The following LIMS2 variants were observed in gnomAD, a reference collection of about 807,000 sequenced individuals.
LIMS2 encodes the protein LIM zinc finger domain containing 2.
Under a neutral mutation model 45.3 loss-of-function variants are expected in LIMS2, and 30 were observed. That is an observed-to-expected ratio of 0.66 (90% CI 0.50 to 0.90). The LOEUF is 0.90. LIMS2 is among the 40% of genes least tolerant of loss of function. The probability of loss-of-function intolerance (pLI) is 0.00; values close to 1 mark genes in which losing one functional copy is unlikely to be tolerated. For missense variants in LIMS2, 485 were observed against 468.7 expected, an observed-to-expected ratio of 1.03 and a Z score of -0.32; for synonymous variants, 173 against 188.0, an observed-to-expected ratio of 0.92 and a Z score of 0.65.
chr2:127,678,169 A>G (rs7609105), upstream of LIMS2, among the ~76,000 whole-genome samples: 36,718 of 152,072 alleles, frequency 0.24, 5,758 homozygotes, highest in African/African-American at 0.45. This position sits in a 1 kb window ranked among gnomAD's most constrained non-coding sequence, Gnocchi z 5.3. Context: ...AGATGAGCCG[A>G]TGTGGTGGAT....
intron 1 of LIMS2, among the ~76,000 whole-genome samples, chr2:127,663,600 C>T (rs1335769611): frequency 1.3e-5 from 2 of 152,086 alleles, no homozygotes; most frequent in Non-Finnish European, 2.9e-5. Flanking sequence ...CCTACCTCTG[C>T]GACTTATGTT....
Position 127,642,394 on chromosome 2 carries a change from C to CT in LIMS2, c.510-196dup. ...AGACAGGCCCTGGAGCACAGACTTC[C>CT]TGCACAGCCCAGAAGAGTGGGCTGT... On this transcript the variant is annotated intron_variant, in intron 5 of 9. Transcript: ENST00000355119. This position sits in a 1 kb window ranked among gnomAD's most constrained non-coding sequence, Gnocchi z 5.3. 1.7e-6 allele frequency: 1 copy of CT among 583,762 alleles called. No homozygotes were observed. Among genetic ancestry groups the CT allele is most frequent in the East Asian group, 3.0e-5 (1 of 33,254 alleles). 36.2% of individuals were successfully genotyped at this position (583,762 alleles called of 1,614,324 possible).
intron 1 of LIMS2, among the ~76,000 whole-genome samples, chr2:127,658,833 C>T (rs1017949189): frequency 3.3e-5 from 5 of 152,282 alleles, no homozygotes; most frequent in Admixed American, 3.3e-4. Flanking sequence ...TGGTTGCAGC[C>T]GGGTGGTGGC....
At position 127,642,113 on chromosome 2, in the gene LIMS2, C is replaced by T. The variant is rs1682479462; in HGVS notation, c.596G>A (p.Gly199Glu). Reference protein sequence around the residue: ...CHDKMGVPICGACRRPIEGRV... With the variant: ...CHDKMGVPICEACRRPIEGRV... ...GCCCTCGATGGGCCGGCGGCAGGCC[C>T]CGCAGATGGGGACGCCCATCTTGTC... The change falls in exon 6 of 10, where the codon GGG becomes GAG. Residue 199 changes from glycine (G) to glutamate (E), a missense_variant. Gly to Glu is a moderately conservative substitution (Grantham distance 98). Transcript: ENST00000355119. The surrounding 1 kb of genome is among the most constrained non-coding windows in gnomAD (Gnocchi z 5.3). The T allele has an allele frequency of 6.8e-6, 11 of 1,608,502 alleles. No homozygotes were observed. Among genetic ancestry groups the T allele is most frequent in the Non-Finnish European group, 9.3e-6 (11 of 1,177,528 alleles).
chr2:127,676,165 C>T (rs1440957061), upstream of LIMS2, among the ~76,000 whole-genome samples: 1 of 152,176 alleles, frequency 6.6e-6, no homozygotes, highest in Non-Finnish European at 1.5e-5. Flanking sequence ...TGGAAGCAGC[C>T]CAGATGTCAC....
upstream of LIMS2, among the ~76,000 whole-genome samples, chr2:127,675,921 A>G (rs573362034): frequency 2.0e-5 from 3 of 152,372 alleles, no homozygotes; most frequent in African/African-American, 7.2e-5. Flanking sequence ...TTGGCGAAAG[A>G]TATTTCTTAA....
chr2:127,673,819 C>A, intron 1 of LIMS2: 1 of 1,369,592 alleles, frequency 7.3e-7, no homozygotes, highest in Non-Finnish European at 1.0e-6. Flanking sequence ...CCCGCTAGAA[C>A]CCTAGGGGGT....
chr2:127,654,588 T>A (rs547160677), intron 3 of LIMS2, 44 bp from the exon 4 acceptor site: 1 of 1,613,252 alleles, frequency 6.2e-7, no homozygotes, highest in South Asian at 1.1e-5. Context: ...CACGTGCCTG[T>A]CCCCTCTTCG....
At position 127,667,248 on chromosome 2, in the gene LIMS2, G is replaced by A. The variant is rs1270269321; in HGVS notation, c.11+7766C>T. Among the ~76,000 whole-genome samples, 1 of 152,114 alleles carries A rather than the reference G, an allele frequency of 6.6e-6. No individual in the cohort carries two copies. The highest frequency in any genetic ancestry group is 2.4e-5 in the African/African-American group (1 of 41,408). Reference sequence around the variant, plus strand: ...GGAGGTTGCAGTGAGCTGAGATCACGCCACTGCACTCCAGCCTGGGTGACA... The same window carrying A: ...GGAGGTTGCAGTGAGCTGAGATCACACCACTGCACTCCAGCCTGGGTGACA... On this transcript the variant is annotated intron_variant, in intron 1 of 9. Transcript: ENST00000355119. The surrounding 1 kb of genome is among the most constrained non-coding windows in gnomAD (Gnocchi z 4.1).
At chr2:127,651,615 C>G (rs759392175) in intron 4 of LIMS2, 5 of 1,613,470 alleles carry the variant, frequency 3.1e-6, no homozygotes, top group Non-Finnish European at 4.2e-6. Flanking sequence ...GGCACTCGAC[C>G]CCATCATGTA....
At chr2:127,681,690 G>A (rs1307158301) in exon 1 of LIMS2, 1 of 152,158 alleles carries the variant, frequency 6.6e-6, no homozygotes, top group East Asian at 1.9e-4. Flanking sequence ...GAGGCCGGCA[G>A]AGGGGCAGCC....
intron 2 of LIMS2, chr2:127,655,147 C>T (rs1684171353): frequency 6.8e-6 from 4 of 585,362 alleles, no homozygotes; most frequent in Admixed American, 5.6e-5. Flanking sequence ...CAAAGGGCCA[C>T]TGGTGTCTAC....
intron 1 of LIMS2, among the ~76,000 whole-genome samples, chr2:127,666,774 C>T (rs1015068672): frequency 3.9e-5 from 6 of 152,130 alleles, no homozygotes; most frequent in African/African-American, 2.4e-5. Flanking sequence ...GGAATCAAGG[C>T]ACCTTCTTCA....
At chr2:127,651,248 G>A in intron 4 of LIMS2, 1 of 1,606,100 alleles carries the variant, frequency 6.2e-7, no homozygotes, top group Non-Finnish European at 8.5e-7. Context: ...TGAGCCCACA[G>A]ACCGTGCAGA....
intron 9 of LIMS2, 129 bp from the exon 10 acceptor site, chr2:127,639,557 GCCCT>G: frequency 1.8e-6 from 2 of 1,138,128 alleles, no homozygotes; most frequent in Non-Finnish European, 2.5e-6. Context: ...AGCAGGCCAG[GCCCT>G]AGGGTGAGAT....
At chr2:127,679,760 T>TC (rs1685576621), upstream of LIMS2, among the ~76,000 whole-genome samples, 1 of 151,912 alleles carries the variant, frequency 6.6e-6, no homozygotes, top group Non-Finnish European at 1.5e-5. This position sits in a 1 kb window ranked among gnomAD's most constrained non-coding sequence, Gnocchi z 5.3. Context: ...GAACCCGGGG[T>TC]CTCAAAGTGC....
intron 4 of LIMS2, among the ~76,000 whole-genome samples, chr2:127,648,453 C>A (rs1412295393): frequency 1.3e-5 from 2 of 152,160 alleles, no homozygotes; most frequent in East Asian, 3.9e-4. Flanking sequence ...GTGCGGCCCA[C>A]CCTTCCCTAG....
chr2:127,653,825 C>G lies in LIMS2; in HGVS notation c.359+599G>C, dbSNP rs573770403. On this transcript the variant is annotated intron_variant, in intron 4 of 9. Coordinates refer to ENST00000355119, the MANE Select transcript of LIMS2 (RefSeq NM_001161403.3). The surrounding 1 kb of genome is among the most constrained non-coding windows in gnomAD (Gnocchi z 5.3). ...AGGCCCAGCAGTGTTTTTAACCCAG[C>G]TCCCCAGCCCAGTCCTTCAGAAAGG... is the stretch of plus-strand genomic sequence containing the variant. 1.3e-5 allele frequency among the ~76,000 whole-genome samples: 2 copies of G among 152,086 alleles called. No individual in the cohort carries two copies. The highest frequency in any genetic ancestry group is 2.9e-5 in the Non-Finnish European group (2 of 68,004).
intron 1 of LIMS2, among the ~76,000 whole-genome samples, chr2:127,660,825 A>C (rs751350423): frequency 6.6e-6 from 1 of 151,568 alleles, no homozygotes; most frequent in Non-Finnish European, 1.5e-5. Context: ...TAGACCTGAT[A>C]GCCAGTCTGT....
Sources: gnomAD v4.1 joint callset for allele counts (sites outside exome capture counted in the v4.1 genomes callset) on GRCh38, gnomAD v4.1.1 for gene constraint, Gnocchi (gnomAD v3.1) non-coding constraint, MANE v1.5 for transcripts, NCBI Gene and HGNC (gene_info 2026-07-23, HGNC 2026-07-21) for gene names.